The following ARSJ variants were observed in gnomAD, a reference collection of about 807,000 sequenced individuals.
ARSJ encodes the protein arylsulfatase family member J.
In ARSJ, 26 loss-of-function variants were observed where a neutral mutation model predicts 35.9. The observed-to-expected ratio is 0.72, with a 90% CI of 0.53 to 1.00. The LOEUF (loss-of-function observed/expected upper bound fraction) is 1.00, where lower values mean the gene tolerates loss of function less well. Ranked by LOEUF, ARSJ falls within the 50% of genes least tolerant of loss-of-function variation. The pLI is 0.00. For missense variants in ARSJ, 667 were observed against 723.6 expected (o/e 0.92, Z 0.90); for synonymous variants, 294 against 267.6 (o/e 1.10, Z -0.96).
intron 1 of ARSJ, among the ~76,000 whole-genome samples, chr4:113,950,911 C>T (rs1483419564): frequency 6.6e-6 from 1 of 151,990 alleles, no homozygotes; most frequent in African/African-American, 2.4e-5. Context: ...GACGTGGTGT[C>T]CTGTTGTTCT....
chr4:113,912,134 G>A (rs6533729), intron 1 of ARSJ, among the ~76,000 whole-genome samples: 99,664 of 152,042 alleles, frequency 0.66, 34,080 homozygotes, highest in Non-Finnish European at 0.76. Context: ...GGCAGTAGGC[G>A]AATTCATGGG....
intron 1 of ARSJ, among the ~76,000 whole-genome samples, chr4:113,905,557 T>C (rs1000592200): frequency 2.0e-5 from 3 of 152,178 alleles, no homozygotes; most frequent in African/African-American, 7.2e-5. Flanking sequence ...TTTGCAATAG[T>C]CATGATTGTG....
At chr4:113,935,667 T>A (rs768238576) in intron 1 of ARSJ, among the ~76,000 whole-genome samples, 1 of 151,830 alleles carries the variant, frequency 6.6e-6, no homozygotes, top group African/African-American at 2.4e-5. Context: ...AGTAAATGAG[T>A]AGATGAATGC....
chr4:113,939,297 A>G (rs2149268542), intron 1 of ARSJ, among the ~76,000 whole-genome samples: 1 of 145,760 alleles, frequency 6.9e-6, no homozygotes, highest in African/African-American at 2.5e-5. Flanking sequence ...CATTTTCTTA[A>G]TCCAGTCTAT....
chr4:113,953,121 C>T (rs913611874), intron 1 of ARSJ, among the ~76,000 whole-genome samples: 7 of 151,974 alleles, frequency 4.6e-5, no homozygotes, highest in African/African-American at 1.7e-4. Context: ...ATTTAAGTGG[C>T]AAAACTGGGA....
At chr4:113,964,736 G>A (rs761266900) in intron 1 of ARSJ, among the ~76,000 whole-genome samples, 4 of 152,046 alleles carry the variant, frequency 2.6e-5, no homozygotes, top group Non-Finnish European at 5.9e-5. Flanking sequence ...ATTCAGTATG[G>A]TTCCCAGACC....
At chr4:113,921,957 G>A (rs912734200) in intron 1 of ARSJ, among the ~76,000 whole-genome samples, 6 of 152,108 alleles carry the variant, frequency 3.9e-5, no homozygotes, top group African/African-American at 1.4e-4. Context: ...GTTCTAAGAA[G>A]AAATCAAATA....
Position 113,943,941 on chromosome 4 carries a change from G to T in ARSJ, c.398+34496C>A, listed in dbSNP as rs62314632. Among the ~76,000 whole-genome samples the T allele has an allele frequency of 2.5e-3, 387 of 152,092 alleles. 1 individual carries two copies. The highest frequency in any genetic ancestry group is 4.3e-3 in the Non-Finnish European group (294 of 67,986). On this transcript the variant is annotated intron_variant, in intron 1 of 1. Transcript: ENST00000315366. ...CCTTGTAGGCTGAGTCTTGTAATTT[G>T]GATTTTATTCTCATTGAAATGGCAA...
intron 1 of ARSJ, among the ~76,000 whole-genome samples, chr4:113,977,364 C>G (rs1727649060): frequency 6.6e-6 from 1 of 152,210 alleles, no homozygotes; most frequent in Admixed American, 6.5e-5. Flanking sequence ...CAGTGGAAAT[C>G]ATGCTGTAAG....
At chr4:113,956,400 T>C (rs1467063027) in intron 1 of ARSJ, among the ~76,000 whole-genome samples, 4 of 151,994 alleles carry the variant, frequency 2.6e-5, no homozygotes, top group Admixed American at 6.6e-5. Flanking sequence ...TGGGAAGAAA[T>C]GTTTTAAATA....
chr4:113,907,227 G>A (rs187712037), intron 1 of ARSJ, among the ~76,000 whole-genome samples: 1 of 152,320 alleles, frequency 6.6e-6, no homozygotes. Flanking sequence ...ACCGGATAGT[G>A]AGACTTATGT....
At chr4:113,965,590 A>G (rs1726842207) in intron 1 of ARSJ, among the ~76,000 whole-genome samples, 3 of 152,128 alleles carry the variant, frequency 2.0e-5, no homozygotes, top group African/African-American at 7.2e-5. Flanking sequence ...ATATATAGAG[A>G]GATTAATATA....
In ARSJ at chr4:113,938,071, T is replaced by G. The variant is rs915898582; in HGVS notation, c.399-34396A>C. On this transcript the variant is annotated intron_variant, in intron 1 of 1. Transcript: ENST00000315366. ...TCATATGGAACCAAAAAAGAGCTGG[T>G]ATACCCAGAATAATCCTAAGTAAAA... is the stretch of plus-strand genomic sequence containing the variant. 4.6e-5 allele frequency among the ~76,000 whole-genome samples: 7 copies of G among 151,850 alleles called. 1 individual carries two copies. The highest frequency in any genetic ancestry group is 1.3e-4 in the Admixed American group (2 of 15,218).
At chr4:113,930,127 C>G (rs1359500936) in intron 1 of ARSJ, among the ~76,000 whole-genome samples, 1 of 152,058 alleles carries the variant, frequency 6.6e-6, no homozygotes, top group East Asian at 1.9e-4. Flanking sequence ...GTACCCAAAT[C>G]TGTATTAGTC....
At chr4:113,960,965 T>C (rs1007610244) in intron 1 of ARSJ, among the ~76,000 whole-genome samples, 1 of 152,078 alleles carries the variant, frequency 6.6e-6, no homozygotes, top group African/African-American at 2.4e-5. Context: ...AAGTGACACA[T>C]TGAAAAAGAG....
At chr4:113,911,320 C>T (rs959821074) in intron 1 of ARSJ, among the ~76,000 whole-genome samples, 2 of 152,128 alleles carry the variant, frequency 1.3e-5, no homozygotes, top group Non-Finnish European at 1.5e-5. Flanking sequence ...CTAAGGTTTT[C>T]TTACTTAATG....
Position 113,903,612 on chromosome 4 carries a change from A to G in ARSJ, c.462T>C (p.Pro154=), listed in dbSNP as rs1474225611. The G allele has an allele frequency of 6.2e-7, 1 of 1,614,080 alleles. No individual in the cohort carries two copies. The highest frequency in any genetic ancestry group is 8.5e-7 in the Non-Finnish European group (1 of 1,180,024). ...TCTGAGGTAGGGTGGCATTGTCCAG[A>G]GGTAAACAGTTGGGTTGGGTAGGTC... ...IIRPTQPNCL[P]LDNATLPQKL... is the part of the protein sequence containing the mutation. Residue 154 remains proline, a synonymous_variant, in exon 2 of 2, where the codon CCT becomes CCC. Transcript: ENST00000315366.
At chr4:113,940,878 A>G (rs909783283) in intron 1 of ARSJ, among the ~76,000 whole-genome samples, 4 of 151,984 alleles carry the variant, frequency 2.6e-5, no homozygotes, top group African/African-American at 9.7e-5. Flanking sequence ...CATATATGTT[A>G]AGGCAAATTA....
Position 113,903,444 on chromosome 4 carries a change from G to T in ARSJ, c.630C>A (p.Tyr210Ter), listed in dbSNP as rs1228606033. Reference sequence around the variant, plus strand: ...CACACATCCCAGGACTGTCACATTTGTAGTGTGTATAGTAATCCCCACTTC... The same window carrying T: ...CACACATCCCAGGACTGTCACATTTTTAGTGTGTATAGTAATCCCCACTTC... ...LLGSGDYYTH[Y>*]KCDSPGMCGY... is the part of the protein sequence containing the mutation. Residue 210 changes from tyrosine (Y) to a stop codon, truncating the protein, a stop_gained, in exon 2 of 2, where the codon TAC becomes TAA. Transcript: ENST00000315366. LOFTEE classifies it high-confidence loss of function. The T allele has an allele frequency of 1.2e-6, 2 of 1,613,998 alleles. No individual in the cohort carries two copies. The highest frequency in any genetic ancestry group is 1.7e-6 in the Non-Finnish European group (2 of 1,180,016).
Sources: allele counts gnomAD v4.1 joint callset (sites outside exome capture counted in the v4.1 genomes callset), GRCh38; gene constraint gnomAD v4.1.1; transcripts MANE v1.5; gene names NCBI Gene and HGNC (gene_info 2026-07-23, HGNC 2026-07-21).